Variants in CGNL1 observed in about 807,000 individuals in gnomAD.
The protein encoded by CGNL1 is cingulin like 1, also known as cingulin-like protein 1.
Under a neutral mutation model 141.2 loss-of-function variants are expected in CGNL1, and 132 were observed. The ratio of observed to expected loss-of-function variants is 0.93; its 90% CI spans 0.81 to 1.08. The LOEUF (loss-of-function observed/expected upper bound fraction) is 1.08, where lower values mean the gene tolerates loss of function less well. Among genes scored for constraint, CGNL1 ranks in the 50% least tolerant of loss-of-function variants. CGNL1 has a pLI of 0.00. For missense variants in CGNL1, 1,870 were observed against 1,588.6 expected, an observed-to-expected ratio of 1.18 and a Z score of -3.01; for synonymous variants, 690 against 622.1, an observed-to-expected ratio of 1.11 and a Z score of -1.63.
intron 7 of CGNL1, among the ~76,000 whole-genome samples, chr15:57,455,798 G>A (rs2063372086): frequency 6.6e-6 from 1 of 152,098 alleles, no homozygotes; most frequent in Non-Finnish European, 1.5e-5. Flanking sequence ...TATTTATACT[G>A]ATGATGGGAT....
intron 1 of CGNL1, among the ~76,000 whole-genome samples, chr15:57,432,628 G>A (rs1246914360): frequency 6.6e-6 from 1 of 152,226 alleles, no homozygotes; most frequent in African/African-American, 2.4e-5. Context: ...GACGGCGCAA[G>A]CGTGTCTGTG....
chr15:57,439,264 C>T lies in CGNL1; in HGVS notation c.1265C>T (p.Ser422Phe). 2 of 1,614,062 alleles carry T rather than the reference C, an allele frequency of 1.2e-6. No homozygotes were observed. Among genetic ancestry groups the T allele is most frequent in the Non-Finnish European group, 1.7e-6 (2 of 1,180,032 alleles). Reference protein sequence around the residue: ...GKSSEHLLRPSQVCPQRPLSQ... With the variant: ...GKSSEHLLRPFQVCPQRPLSQ... ...TCAAGCGAACACCTCCTCCGGCCTT[C>T]CCAGGTGTGCCCGCAGCGGCCACTG... The change falls in exon 2 of 19, where the codon TCC (serine) becomes TTC (phenylalanine). Residue 422 changes from serine (S) to phenylalanine (F), a missense_variant. Coordinates refer to ENST00000281282, the MANE Select transcript of CGNL1 (RefSeq NM_032866.5).
At chr15:57,544,355 G>A (rs955693861) in intron 15 of CGNL1, 118 bp from the exon 16 acceptor site, 11 of 1,295,308 alleles carry the variant, frequency 8.5e-6, no homozygotes, top group African/African-American at 2.9e-5. Context: ...GCCCTGGTGT[G>A]GAAAGCAGCC....
chr15:57,379,742 G>GTGC (rs1382051918), intron 1 of CGNL1, among the ~76,000 whole-genome samples: 1 of 151,970 alleles, frequency 6.6e-6, no homozygotes, highest in Non-Finnish European at 1.5e-5. Context: ...GAATGACCAA[G>GTGC]TGCTTACTTT....
intron 1 of CGNL1, chr15:57,407,323 A>C (rs1439506475): frequency 1.3e-5 from 2 of 152,230 alleles, no homozygotes; most frequent in Non-Finnish European, 2.9e-5. Flanking sequence ...AATTACTTCT[A>C]TTCTTACCAC....
intron 2 of CGNL1, 37 bp downstream of exon 2, chr15:57,439,638 C>T: frequency 6.3e-7 from 1 of 1,585,186 alleles, no homozygotes; most frequent in Non-Finnish European, 8.6e-7. Flanking sequence ...TTTTTTTTCT[C>T]TTCCTTCTAA....
chr15:57,474,066 A>G (rs1225296254), intron 8 of CGNL1, among the ~76,000 whole-genome samples: 1 of 151,686 alleles, frequency 6.6e-6, no homozygotes, highest in Non-Finnish European at 1.5e-5. Flanking sequence ...GTGTGCCACC[A>G]CGCCTGGCTA....
rs563319226 is a variant in CGNL1 at position 57,497,138 on chromosome 15, C to T, written c.2404-19642C>T. 3.3e-5 allele frequency among the ~76,000 whole-genome samples: 5 copies of T among 152,240 alleles called. No homozygotes were observed. In the South Asian group the frequency reaches 6.2e-4, roughly 19 times the overall value. On this transcript the variant is annotated intron_variant, in intron 8 of 18. Coordinates refer to ENST00000281282, the MANE Select transcript of CGNL1 (RefSeq NM_032866.5). ...GACTGATATCCCAGCTGGTGCAGGC[C>T]CAGGGATCTTCTGGCAGGTCTCTGT...
intron 8 of CGNL1, among the ~76,000 whole-genome samples, chr15:57,480,143 A>G (rs1360220286): frequency 1.3e-5 from 2 of 149,616 alleles, no homozygotes; most frequent in Non-Finnish European, 2.9e-5. Flanking sequence ...AAGAGGATAA[A>G]TGAAACTTTT....
In CGNL1 at chr15:57,439,401, G is replaced by A; in HGVS notation, c.1402G>A (p.Gly468Arg). 6.2e-7 allele frequency: 1 copy of A among 1,614,182 alleles called. No individual in the cohort carries two copies. The highest frequency in any genetic ancestry group is 8.5e-7 in the Non-Finnish European group (1 of 1,180,022). ...HSRPPQPNID[G>R]KVLETEGSQE... is the part of the protein sequence containing the mutation. ...CAGGCCTCCCCAGCCGAACATAGAT[G>A]GGAAAGTTCTGGAAACCGAAGGTAG... is the stretch of plus-strand genomic sequence containing the variant. Residue 468 changes from glycine (G) to arginine (R), a missense_variant, in exon 2 of 19, where the codon GGG becomes AGG. Transcript: ENST00000281282.
chr15:57,440,821 T>C (rs545168723), intron 3 of CGNL1, among the ~76,000 whole-genome samples: 2 of 152,320 alleles, frequency 1.3e-5, no homozygotes, highest in East Asian at 3.9e-4. Flanking sequence ...TGCAATGTGG[T>C]AGTCCTTTAG....
chr15:57,497,887 A>G (rs2152385402), intron 8 of CGNL1, among the ~76,000 whole-genome samples: 1 of 152,302 alleles, frequency 6.6e-6, no homozygotes, highest in East Asian at 1.9e-4. Context: ...GGGCACTTCC[A>G]TTTTCCTGGT....
chr15:57,454,211 C>T (rs1196654885), intron 7 of CGNL1, among the ~76,000 whole-genome samples: 5 of 152,144 alleles, frequency 3.3e-5, no homozygotes. Flanking sequence ...ACATTATCAT[C>T]ACCTGTATTC....
rs2140270807 is a variant in CGNL1, at chr15:57,548,809, G to A, written c.*1319G>A. The A allele has an allele frequency of 6.6e-6, 1 of 152,358 alleles. No homozygotes were observed. The allele number at this position is 152,358 out of a possible 1,614,324, so 9.4% of individuals were successfully genotyped here. A position where few individuals can be genotyped will look rare whatever the true frequency, so the allele number is the denominator to read the frequency against. ...TGTGAGAATGAGGTGGGAGGTGTCT[G>A]GTAAGGTCATGGGGGAAGGGAGATG... On this transcript the variant is annotated 3_prime_UTR_variant, in exon 19 of 19. Coordinates refer to ENST00000281282, the MANE Select transcript of CGNL1 (RefSeq NM_032866.5).
chr15:57,524,517 T>A, intron 11 of CGNL1, 64 bp from the exon 12 acceptor site: 6 of 1,448,710 alleles, frequency 4.1e-6, no homozygotes, highest in Non-Finnish European at 5.6e-6. Flanking sequence ...TGTGTTGAAA[T>A]GGGACCCAGA....
intron 1 of CGNL1, among the ~76,000 whole-genome samples, chr15:57,385,995 A>C (rs922659896): frequency 6.6e-6 from 1 of 152,258 alleles, no homozygotes; most frequent in African/African-American, 2.4e-5. Context: ...GCTATTGGCC[A>C]GGGACAAAGA....
chr15:57,392,746 C>G (rs1236286022), intron 1 of CGNL1, among the ~76,000 whole-genome samples: 2 of 152,126 alleles, frequency 1.3e-5, no homozygotes, highest in African/African-American at 4.8e-5. Context: ...CAAGAAACCA[C>G]CATCTCATGT....
At chr15:57,465,294 T>C (rs1295316003) in intron 8 of CGNL1, among the ~76,000 whole-genome samples, 4 of 151,766 alleles carry the variant, frequency 2.6e-5, no homozygotes, top group African/African-American at 9.7e-5. Context: ...ATCTGGTAAA[T>C]AATGTTTCTT....
rs2062471169 is a variant in CGNL1 at position 57,385,323 on chromosome 15, C to A, written c.-16+8756C>A. Among the ~76,000 whole-genome samples the A allele has an allele frequency of 2.0e-5, 3 of 152,150 alleles. No individual in the cohort carries two copies. The South Asian group carries it at 6.2e-4, about 32-fold the overall frequency. On this transcript the variant is annotated intron_variant, in intron 1 of 18. Transcript: ENST00000281282. The stretch of plus-strand genomic sequence containing the variant: ...CTGAGGCAGGCCGATCAGTTGGGAT[C>A]AGGAGTTCAAGACCAGCCTAGCCAA...
Sources: gnomAD v4.1 joint callset for allele counts (sites outside exome capture counted in the v4.1 genomes callset) on GRCh38, gnomAD v4.1.1 for gene constraint, MANE v1.5 for transcripts, NCBI Gene and HGNC (gene_info 2026-07-23, HGNC 2026-07-21) for gene names.